The following WFDC2 variants were observed in gnomAD, a reference collection of about 807,000 sequenced individuals.
WFDC2 encodes WAP four-disulfide core domain protein 2.
WFDC2 carries 8 observed loss-of-function variants against 12.5 expected under a neutral mutation model. The observed-to-expected ratio is 0.64, with a 90% CI of 0.37 to 1.15. The LOEUF (loss-of-function observed/expected upper bound fraction) is 1.15, where lower values mean the gene tolerates loss of function less well. WFDC2 is among the 50% of genes most tolerant of loss of function. The probability of loss-of-function intolerance (pLI) is 0.01; values close to 1 mark genes in which losing one functional copy is unlikely to be tolerated. For synonymous variants in WFDC2, 74 were observed against 67.2 expected, an observed-to-expected ratio of 1.10 and a Z score of -0.49; for missense variants, 166 against 159.9, an observed-to-expected ratio of 1.04 and a Z score of -0.21.
rs1017733575 is a variant in WFDC2 at position 45,470,733 on chromosome 20, G to C, written c.223+201G>C. On this transcript the variant is annotated intron_variant, in intron 2 of 3. Transcript: ENST00000372676. This position sits in a 1 kb window ranked among gnomAD's most constrained non-coding sequence, Gnocchi z 5.4. ...AAGGCGTCGTTGAAACGCAGCCAAG[G>C]GGGGGTCCCCACCCCTAGCTGGGAT... 2.6e-5 allele frequency among the ~76,000 whole-genome samples: 4 copies of C among 152,160 alleles called. No homozygotes were observed. Among genetic ancestry groups the C allele is most frequent in the East Asian group, 3.9e-4 (2 of 5,170 alleles).
intron 2 of WFDC2, among the ~76,000 whole-genome samples, chr20:45,478,209 GA>G (rs1161477668): frequency 6.6e-6 from 1 of 151,554 alleles, no homozygotes; most frequent in African/African-American, 2.4e-5. Context: ...ACTGGGGTAT[GA>G]AAAAAAAATC....
At chr20:45,475,717 G>A (rs955648682) in intron 2 of WFDC2, among the ~76,000 whole-genome samples, 5 of 152,116 alleles carry the variant, frequency 3.3e-5, no homozygotes, top group East Asian at 3.8e-4. Flanking sequence ...CTGAGTTCAA[G>A]TCTTGGATAT....
At chr20:45,475,753 T>C (rs1391227149) in intron 2 of WFDC2, among the ~76,000 whole-genome samples, 1 of 152,214 alleles carries the variant, frequency 6.6e-6, no homozygotes, top group Non-Finnish European at 1.5e-5. Flanking sequence ...GTCTCATTGA[T>C]CTGTCTAATA....
In WFDC2 at chr20:45,479,379, CA is replaced by C. The variant is rs1991272076; in HGVS notation, c.224-560del. Reference sequence around the variant, plus strand: ...TGCCTCAATTCTGTGTGACCTTAGGCAAATTACTTAACTTCTCAGTGCCTCA... The same window carrying C: ...TGCCTCAATTCTGTGTGACCTTAGGCAATTACTTAACTTCTCAGTGCCTCA... On this transcript the variant is annotated intron_variant, in intron 2 of 3. Coordinates refer to ENST00000372676, the MANE Select transcript of WFDC2 (RefSeq NM_006103.4). 2.5e-5 allele frequency: 12 copies of C among 475,966 alleles called. No homozygotes were observed. The South Asian group carries it at 3.0e-4, about 12-fold the overall frequency. The allele number at this position is 475,966 out of a possible 1,614,324, so 29.5% of individuals were successfully genotyped here. A position where few individuals can be genotyped will look rare whatever the true frequency, so the allele number is the denominator to read the frequency against.
intron 3 of WFDC2, 134 bp downstream of exon 3, chr20:45,480,228 T>C (rs1025615534): frequency 6.3e-6 from 8 of 1,275,278 alleles, no homozygotes; most frequent in Non-Finnish European, 7.5e-6. Flanking sequence ...GGGGTGACCC[T>C]CAGCCTGTTC....
rs1600845564 is a variant in WFDC2 at position 45,470,324 on chromosome 20, A to G, written c.80-65A>G. The G allele has an allele frequency of 6.6e-7, 1 of 1,516,830 alleles. No homozygotes were observed. 94.0% of individuals were successfully genotyped at this position (1,516,830 alleles called of 1,614,324 possible). ...CCTTGGGGTTAAGGTTTGGAGCAGG[A>G]GGTGGGCATCCTCTGGGGCTGGCGC... On this transcript the variant is annotated intron_variant, in intron 1 of 3. Coordinates refer to ENST00000372676, the MANE Select transcript of WFDC2 (RefSeq NM_006103.4). The surrounding 1 kb of genome is among the most constrained non-coding windows in gnomAD (Gnocchi z 5.4).
intron 2 of WFDC2, among the ~76,000 whole-genome samples, chr20:45,475,751 G>T (rs1991225154): frequency 6.6e-6 from 1 of 152,258 alleles, no homozygotes; most frequent in African/African-American, 2.4e-5. Flanking sequence ...CCGTCTCATT[G>T]ATCTGTCTAA....
Position 45,470,571 on chromosome 20 carries a change from G to A in WFDC2, c.223+39G>A, listed in dbSNP as rs1991157189. 6.5e-7 allele frequency: 1 copy of A among 1,542,606 alleles called. No homozygotes were observed. Among genetic ancestry groups the A allele is most frequent in the Non-Finnish European group, 8.8e-7 (1 of 1,140,106 alleles). ...GGCCGAGCGGGAACGGGGCGGGGCC[G>A]CGCTGGGCTGGGAGGAGGTGGGAGG... On this transcript the variant is annotated intron_variant, in intron 2 of 3. Coordinates refer to ENST00000372676, the MANE Select transcript of WFDC2 (RefSeq NM_006103.4). This position sits in a 1 kb window ranked among gnomAD's most constrained non-coding sequence, Gnocchi z 5.4.
At chr20:45,471,417 G>A (rs1167197882) in intron 2 of WFDC2, 1 of 280,890 alleles carries the variant, frequency 3.6e-6, no homozygotes, top group African/African-American at 2.2e-5. Context: ...AGAGAACCAA[G>A]GTACTGTAAT....
chr20:45,480,815 C>T (rs1350663784), intron 3 of WFDC2, among the ~76,000 whole-genome samples: 2 of 152,150 alleles, frequency 1.3e-5, no homozygotes, highest in African/African-American at 2.4e-5. Flanking sequence ...TATGGTTTCT[C>T]TAAACTAAGC....
Position 45,470,554 on chromosome 20 carries a change from G to A in WFDC2, c.223+22G>A. 1.3e-6 allele frequency: 2 copies of A among 1,576,240 alleles called. No homozygotes were observed. Among genetic ancestry groups the A allele is most frequent in the African/African-American group, 1.3e-5 (1 of 74,482 alleles). ...AATGGTAACCCCACGGCGGCCGAGC[G>A]GGAACGGGGCGGGGCCGCGCTGGGC... On this transcript the variant is annotated intron_variant, in intron 2 of 3. Transcript: ENST00000372676. The surrounding 1 kb of genome is among the most constrained non-coding windows in gnomAD (Gnocchi z 5.4).
intron 2 of WFDC2, among the ~76,000 whole-genome samples, chr20:45,477,011 T>A (rs1361871363): frequency 6.6e-6 from 1 of 151,970 alleles, no homozygotes; most frequent in African/African-American, 2.4e-5. Context: ...TCGTGCTGTG[T>A]TTTTCAGCTC....
chr20:45,472,166 C>T (rs112937508), intron 2 of WFDC2, among the ~76,000 whole-genome samples: 2,257 of 152,106 alleles, frequency 0.015, 49 homozygotes, highest in African/African-American at 0.051. Flanking sequence ...ACGTGCAGAA[C>T]GTGCAGGTTT....
intron 2 of WFDC2, among the ~76,000 whole-genome samples, chr20:45,479,109 G>T (rs1991269700): frequency 6.6e-6 from 1 of 152,194 alleles, no homozygotes; most frequent in African/African-American, 2.4e-5. Flanking sequence ...GTGTGATTGT[G>T]TGTGTGTTTG....
Position 45,470,308 on chromosome 20 carries a change from TAA to T in WFDC2, c.80-80_80-79del, listed in dbSNP as rs1372120266. On this transcript the variant is annotated intron_variant, in intron 1 of 3. Transcript: ENST00000372676. This position sits in a 1 kb window ranked among gnomAD's most constrained non-coding sequence, Gnocchi z 5.4. ...CCAGAGACTGAGAATTCCTTGGGGT[TAA>T]GGTTTGGAGCAGGAGGTGGGCATCC... 7.4e-6 allele frequency: 11 copies of T among 1,488,678 alleles called. No homozygotes were observed. In the East Asian group the frequency reaches 2.5e-4, roughly 34 times the overall value. The allele number at this position is 1,488,678 out of a possible 1,614,324, so 92.2% of individuals were successfully genotyped here.
chr20:45,475,018 G>A (rs1568970456), intron 2 of WFDC2, among the ~76,000 whole-genome samples: 1 of 152,106 alleles, frequency 6.6e-6, no homozygotes, highest in Admixed American at 6.5e-5. Context: ...TGGGATCAGT[G>A]GTGATATCCC....
chr20:45,473,628 C>G (rs1442941324), intron 2 of WFDC2, among the ~76,000 whole-genome samples: 2 of 152,228 alleles, frequency 1.3e-5, no homozygotes, highest in Non-Finnish European at 1.5e-5. Flanking sequence ...ATGCTTCCAG[C>G]TTTGTTCTTT....
chr20:45,478,102 G>C (rs191354966), intron 2 of WFDC2, among the ~76,000 whole-genome samples: 47 of 152,314 alleles, frequency 3.1e-4, no homozygotes, highest in Admixed American at 3.0e-3. Flanking sequence ...TGGGCTCCAT[G>C]GGGGTGGGAT....
At chr20:45,478,846 C>G (rs1218366992) in intron 2 of WFDC2, among the ~76,000 whole-genome samples, 1 of 152,114 alleles carries the variant, frequency 6.6e-6, no homozygotes, top group Non-Finnish European at 1.5e-5. Context: ...CTCCGATGAT[C>G]CCACCCGCCT....
Sources: allele counts gnomAD v4.1 joint callset (sites outside exome capture counted in the v4.1 genomes callset), GRCh38; gene constraint gnomAD v4.1.1; non-coding constraint Gnocchi (gnomAD v3.1); transcripts MANE v1.5; gene names NCBI Gene and HGNC (gene_info 2026-07-23, HGNC 2026-07-21).